GRM3: variants seen among roughly 807,000 people sequenced by gnomAD.
GRM3 encodes metabotropic glutamate receptor 3.
A neutral mutation model predicts 70.5 loss-of-function variants in GRM3; 26 were observed. The ratio of observed to expected loss-of-function variants is 0.37; its 90% CI spans 0.27 to 0.51. The LOEUF is 0.51. Among genes scored for constraint, GRM3 ranks in the 20% least tolerant of loss-of-function variants. GRM3 has a pLI of 0.93. For missense variants in GRM3, 859 were observed against 1,123.8 expected (o/e 0.76, Z 3.37); for synonymous variants, 443 against 434.9 (o/e 1.02, Z -0.23).
intron 3 of GRM3, among the ~76,000 whole-genome samples, chr7:86,832,022 A>T (rs937559590): frequency 1.3e-5 from 2 of 152,108 alleles, no homozygotes; most frequent in Non-Finnish European, 2.9e-5. Context: ...CCAGTGATTC[A>T]TTCTTATTCT....
chr7:86,753,814 A>C lies in GRM3; in HGVS notation c.-140-11192A>C, dbSNP rs555192512. On this transcript the variant is annotated intron_variant, in intron 1 of 5. Transcript: ENST00000361669. The stretch of plus-strand genomic sequence containing the variant: ...AGTGGTGTGCTGGTAAATATTTAAC[A>C]ATCAAATCTTGGGAACTTATGGAGG... 3.2e-4 allele frequency among the ~76,000 whole-genome samples: 49 copies of C among 152,254 alleles called. 1 individual carries two copies. The highest frequency in any genetic ancestry group is 3.4e-3 in the Middle Eastern group (1 of 294).
At position 86,672,303 on chromosome 7, in the gene GRM3, C is replaced by G. The variant is rs1401456202; in HGVS notation, c.-141+27431C>G. Among the ~76,000 whole-genome samples, 4 of 152,046 alleles carry G rather than the reference C, an allele frequency of 2.6e-5. No individual in the cohort carries two copies. In the East Asian group the frequency reaches 7.7e-4, roughly 29 times the overall value. On this transcript the variant is annotated intron_variant, in intron 1 of 5. Transcript: ENST00000361669. Reference sequence around the variant, plus strand: ...TCCTACTTTGCCTTATCCTCTATTCCACAGATACTGCCTTGGCCCCTCCAC... The same window carrying G: ...TCCTACTTTGCCTTATCCTCTATTCGACAGATACTGCCTTGGCCCCTCCAC...
intron 5 of GRM3, among the ~76,000 whole-genome samples, chr7:86,860,502 C>T (rs546995173): frequency 6.6e-6 from 1 of 152,306 alleles, no homozygotes; most frequent in Admixed American, 6.5e-5. Context: ...TTCCCTTCGA[C>T]ACATTAAAAA....
At chr7:86,720,719 G>T (rs1353477698) in intron 1 of GRM3, among the ~76,000 whole-genome samples, 1 of 152,030 alleles carries the variant, frequency 6.6e-6, no homozygotes, top group Non-Finnish European at 1.5e-5. Flanking sequence ...CTAGCGCAGT[G>T]TATCACTGTG....
intron 1 of GRM3, among the ~76,000 whole-genome samples, chr7:86,745,183 G>T (rs955568690): frequency 6.6e-6 from 1 of 152,124 alleles, no homozygotes; most frequent in Admixed American, 6.6e-5. Context: ...GGCCACAGCA[G>T]AGGGGCAGGC....
At position 86,682,558 on chromosome 7, in the gene GRM3, T is replaced by A. The variant is rs150889927; in HGVS notation, c.-141+37686T>A. Among the ~76,000 whole-genome samples the A allele has an allele frequency of 3.3e-5, 5 of 152,306 alleles. No homozygotes were observed. In the East Asian group the frequency reaches 9.7e-4, roughly 29 times the overall value. ...GTATTATTTTTTGTTTGGAGATAAT[T>A]CTGGCAGAGCAGTGATGAAAATTAA... On this transcript the variant is annotated intron_variant, in intron 1 of 5. Coordinates refer to ENST00000361669, the MANE Select transcript of GRM3 (RefSeq NM_000840.3).
intron 1 of GRM3, among the ~76,000 whole-genome samples, chr7:86,760,415 CG>C (rs1796450190): frequency 1.3e-5 from 2 of 152,172 alleles, no homozygotes; most frequent in Non-Finnish European, 2.9e-5. Context: ...TTACAGTTGA[CG>C]CATCACTCAT....
intron 3 of GRM3, among the ~76,000 whole-genome samples, chr7:86,801,746 G>A (rs571490036): frequency 6.6e-6 from 1 of 152,158 alleles, no homozygotes; most frequent in Non-Finnish European, 1.5e-5. Flanking sequence ...AGATACAAAA[G>A]AGGGACCATA....
intron 1 of GRM3, among the ~76,000 whole-genome samples, chr7:86,646,715 C>T (rs1479645926): frequency 1.3e-5 from 2 of 152,054 alleles, no homozygotes; most frequent in African/African-American, 4.8e-5. Flanking sequence ...GAATAGGCCA[C>T]ACTTTGGAGC....
chr7:86,858,724 A>C (rs1267567101), intron 5 of GRM3, among the ~76,000 whole-genome samples: 2 of 152,236 alleles, frequency 1.3e-5, no homozygotes, highest in Non-Finnish European at 2.9e-5. Flanking sequence ...GGGTCATTAA[A>C]AAGGGTCATG....
At chr7:86,769,458 T>C (rs1796685711) in intron 2 of GRM3, among the ~76,000 whole-genome samples, 1 of 152,088 alleles carries the variant, frequency 6.6e-6, no homozygotes, top group South Asian at 2.1e-4. Context: ...CCTTTTGTGG[T>C]TGGGTCAGTT....
intron 1 of GRM3, among the ~76,000 whole-genome samples, chr7:86,728,081 AT>A (rs531265472): frequency 6.6e-6 from 1 of 152,048 alleles, no homozygotes; most frequent in African/African-American, 2.4e-5. Flanking sequence ...AAAAAAGACC[AT>A]TTTTTTCCTG....
chr7:86,771,242 C>T (rs913960894), intron 2 of GRM3, among the ~76,000 whole-genome samples: 2 of 151,990 alleles, frequency 1.3e-5, no homozygotes, highest in African/African-American at 4.8e-5. Context: ...TATTTCTTAA[C>T]ATTATAATTA....
intron 1 of GRM3, among the ~76,000 whole-genome samples, chr7:86,682,289 A>C (rs1056989353): frequency 2.0e-5 from 3 of 152,232 alleles, no homozygotes; most frequent in African/African-American, 7.2e-5. Context: ...TATTTTAAAA[A>C]TTACAGAAGT....
At chr7:86,661,395 C>CT (rs1793890452) in intron 1 of GRM3, among the ~76,000 whole-genome samples, 1 of 151,924 alleles carries the variant, frequency 6.6e-6, no homozygotes, top group Non-Finnish European at 1.5e-5. Flanking sequence ...TTACTAAGCA[C>CT]TTTTTGTTAT....
At chr7:86,778,535 A>G (rs745506030) in intron 2 of GRM3, among the ~76,000 whole-genome samples, 6 of 152,224 alleles carry the variant, frequency 3.9e-5, no homozygotes, top group Non-Finnish European at 5.9e-5. Context: ...GAGTAGAAAT[A>G]GTAAATAAGG....
chr7:86,747,881 C>A (rs181342533), intron 1 of GRM3, among the ~76,000 whole-genome samples: 2 of 152,050 alleles, frequency 1.3e-5, no homozygotes, highest in African/African-American at 4.8e-5. Context: ...CTTACAGAAC[C>A]CTTGCTCTGT....
intron 1 of GRM3, among the ~76,000 whole-genome samples, chr7:86,712,700 T>C (rs1173867250): frequency 6.6e-6 from 1 of 152,032 alleles, no homozygotes; most frequent in Non-Finnish European, 1.5e-5. Flanking sequence ...AGATCCACTT[T>C]CTAGCTCCCA....
chr7:86,792,774 T>C (rs924170112), intron 3 of GRM3, among the ~76,000 whole-genome samples: 2 of 152,184 alleles, frequency 1.3e-5, no homozygotes, highest in Admixed American at 1.3e-4. Flanking sequence ...TGTTAGGGTG[T>C]TGCCCTAGGA....
Sources: gnomAD v4.1 joint callset for allele counts (sites outside exome capture counted in the v4.1 genomes callset) on GRCh38, gnomAD v4.1.1 for gene constraint, MANE v1.5 for transcripts, NCBI Gene and HGNC (gene_info 2026-07-23, HGNC 2026-07-21) for gene names.